Variants in ARHGAP23 observed in about 807,000 individuals in gnomAD.
The protein encoded by ARHGAP23 is Rho GTPase activating protein 23.
In ARHGAP23, 34 loss-of-function variants were observed where a neutral mutation model predicts 136.3. The observed-to-expected ratio is 0.25, with a 90% CI of 0.19 to 0.33. The LOEUF (loss-of-function observed/expected upper bound fraction) is 0.33, where lower values mean the gene tolerates loss of function less well. Ranked by LOEUF, ARHGAP23 falls within the 10% of genes least tolerant of loss-of-function variation. The pLI, the probability that ARHGAP23 is intolerant of heterozygous loss-of-function variation, is 1.00. For missense variants in ARHGAP23, 1,808 were observed against 2,139.0 expected (o/e 0.85, Z 3.05); for synonymous variants, 832 against 920.5 (o/e 0.90, Z 1.74).
Position 38,466,777 on chromosome 17 carries a change from TG to T in ARHGAP23, c.1098del (p.Pro367GlnfsTer125). 6.5e-7 allele frequency: 1 copy of T among 1,549,212 alleles called. No individual in the cohort carries two copies. The highest frequency in any genetic ancestry group is 8.7e-7 in the Non-Finnish European group (1 of 1,146,336). On this transcript the variant is annotated frameshift_variant, in exon 7 of 24. Transcript: ENST00000622683. LOFTEE classifies it high-confidence loss of function. ...CGGGCCACCCGTTCTGCCGAGGCAC[TG>T]GGGCCAGGGGCACTGGTGTCACCCC... ...LSRATRSAEALGPGALVSPRF... is the reference protein window; with the variant it reads ...LSRATRSAEAXGPGALVSPRF...
rs553339476 is a variant in ARHGAP23 at position 38,498,625 on chromosome 17, C to T, written c.3415+115C>T. ...CTGTGCCACCCCAGCGGGGCCCTCC[C>T]CTGCCGGCCACCATGGAGATGGGGC... On this transcript the variant is annotated intron_variant, in intron 22 of 23. Coordinates refer to ENST00000622683, the MANE Select transcript of ARHGAP23 (RefSeq NM_001199417.2). The T allele has an allele frequency of 5.3e-5, 47 of 887,774 alleles. No individual in the cohort carries two copies. In the African/African-American group the frequency reaches 7.7e-4, roughly 15 times the overall value. 55.0% of individuals were successfully genotyped at this position (887,774 alleles called of 1,614,324 possible). A position where few individuals can be genotyped will look rare whatever the true frequency, so the allele number is the denominator to read the frequency against.
intron 1 of ARHGAP23, chr17:38,452,539 T>C (rs897518491): frequency 3.3e-5 from 5 of 152,246 alleles, no homozygotes; most frequent in Non-Finnish European, 7.3e-5. Flanking sequence ...TGGTGTAGGA[T>C]AGAAGTTGGG....
chr17:38,491,021 C>T (rs1377416753), intron 19 of ARHGAP23, among the ~76,000 whole-genome samples: 3 of 152,198 alleles, frequency 2.0e-5, no homozygotes, highest in Non-Finnish European at 4.4e-5. Flanking sequence ...CGGGTTCAAG[C>T]GATGCTCCTG....
Position 38,467,065 on chromosome 17 carries a change from A to G in ARHGAP23, c.1382A>G (p.Glu461Gly). The G allele has an allele frequency of 6.4e-7, 1 of 1,550,870 alleles. No individual in the cohort carries two copies. Residue 461 changes from glutamate to glycine, a missense_variant, in exon 7 of 24, where the codon GAG becomes GGG. Coordinates refer to ENST00000622683, the MANE Select transcript of ARHGAP23 (RefSeq NM_001199417.2). ...CAGTCCCCTGCGTCATTCCCACCAG[A>G]GGCCTCCGAGCCACCCAGGGTTGTA... ...LAQSPASFPP[E>G]ASEPPRVVRP...
Position 38,510,572 on chromosome 17 carries a change from C to T in ARHGAP23, c.4076C>T (p.Ala1359Val). 3.2e-6 allele frequency: 4 copies of T among 1,245,502 alleles called. No homozygotes were observed. The highest frequency in any genetic ancestry group is 7.5e-5 in the Admixed American group (2 of 26,664). 77.2% of individuals were successfully genotyped at this position (1,245,502 alleles called of 1,614,324 possible). A position where few individuals can be genotyped will look rare whatever the true frequency, so the allele number is the denominator to read the frequency against. Reference sequence around the variant, plus strand: ...AGCCAGGAGTCGCTGCGGCCCCCGGCGGCGGCGCTGGCCTCCCGGCCCTCG... The same window carrying T: ...AGCCAGGAGTCGCTGCGGCCCCCGGTGGCGGCGCTGGCCTCCCGGCCCTCG... ...SSSQESLRPP[A>V]AALASRPSRM... Residue 1359 changes from alanine (A) to valine (V), a missense_variant, in exon 24 of 24, where the codon GCG becomes GTG. Around this residue, in one of 7 missense-constraint regions of ARHGAP23, gnomAD observed 506 missense variants for 455.8 expected, o/e 1.11. Transcript: ENST00000622683. The surrounding 1 kb of genome is among the most constrained non-coding windows in gnomAD (Gnocchi z 4.6).
At position 38,492,816 on chromosome 17, in the gene ARHGAP23, TG is replaced by T. The variant is rs2040307071; in HGVS notation, c.3276+1285del. Among the ~76,000 whole-genome samples, 3 of 152,328 alleles carry T rather than the reference TG, an allele frequency of 2.0e-5. No individual in the cohort carries two copies. The East Asian group carries it at 5.8e-4, about 29-fold the overall frequency. On this transcript the variant is annotated intron_variant, in intron 20 of 23. Transcript: ENST00000622683. Reference sequence around the variant, plus strand: ...GGCTGCCCTGCAGCGTCGGGGATCCTGATGAGGCCTTGGGAAAGCTTAGCTC... The same window carrying T: ...GGCTGCCCTGCAGCGTCGGGGATCCTATGAGGCCTTGGGAAAGCTTAGCTC...
intron 1 of ARHGAP23, among the ~76,000 whole-genome samples, chr17:38,422,774 C>A (rs537565659): frequency 6.6e-6 from 1 of 152,334 alleles, no homozygotes; most frequent in African/African-American, 2.4e-5. Flanking sequence ...AAGGGGTGTT[C>A]AGGTGGGATT....
At chr17:38,472,971 C>T (rs1014421439) in intron 11 of ARHGAP23, among the ~76,000 whole-genome samples, 51 of 152,324 alleles carry the variant, frequency 3.3e-4, no homozygotes, top group African/African-American at 1.2e-3. Context: ...GAGTCTCGCT[C>T]TGTTGCCCAG....
chr17:38,466,738 A>G lies in ARHGAP23; in HGVS notation c.1055A>G (p.Asp352Gly). ...GQEGWHRARSDDYLSRATRSA... is the reference protein window; with the variant it reads ...GQEGWHRARSGDYLSRATRSA... ...GAGGGCTGGCACCGAGCTCGCTCAGATGACTACTTGAGCCGGGCCACCCGT... is the reference window on the plus strand; with the variant it reads ...GAGGGCTGGCACCGAGCTCGCTCAGGTGACTACTTGAGCCGGGCCACCCGT... Residue 352 changes from aspartate to glycine, a missense_variant, in exon 7 of 24, where the codon GAT (aspartate) becomes GGT (glycine). Physicochemically the swap from Asp to Gly is moderately conservative, Grantham distance 94 (BLOSUM62 -1). This residue lies in a region of ARHGAP23 where 859 missense variants were observed against 936.4 expected (regional missense o/e 0.92). Coordinates refer to ENST00000622683, the MANE Select transcript of ARHGAP23 (RefSeq NM_001199417.2). 4.5e-6 allele frequency: 7 copies of G among 1,546,862 alleles called. No homozygotes were observed. The highest frequency in any genetic ancestry group is 6.1e-6 in the Non-Finnish European group (7 of 1,145,078).
Position 38,510,284 on chromosome 17 carries a change from G to A in ARHGAP23, c.3788G>A (p.Gly1263Asp). The change falls in exon 24 of 24, where the codon GGC becomes GAC. Residue 1263 changes from glycine to aspartate, a missense_variant. Around this residue, in one of 7 missense-constraint regions of ARHGAP23, gnomAD observed 506 missense variants for 455.8 expected, o/e 1.11. Transcript: ENST00000622683. The surrounding 1 kb of genome is among the most constrained non-coding windows in gnomAD (Gnocchi z 4.6). ...ACCATGGACCGCAGCGTGTGCTCGGGCGCTAGCGGTCGGCGGGCAGGGGCG... is the reference window on the plus strand; with the variant it reads ...ACCATGGACCGCAGCGTGTGCTCGGACGCTAGCGGTCGGCGGGCAGGGGCG... ...LSTMDRSVCS[G>D]ASGRRAGAGD... 7.8e-7 allele frequency: 1 copy of A among 1,288,074 alleles called. No homozygotes were observed. Among genetic ancestry groups the A allele is most frequent in the Non-Finnish European group, 9.8e-7 (1 of 1,017,914 alleles). The allele number at this position is 1,288,074 out of a possible 1,614,324, so 79.8% of individuals were successfully genotyped here. A position where few individuals can be genotyped will look rare whatever the true frequency, so the allele number is the denominator to read the frequency against.
At chr17:38,497,751 C>G (rs1370686686) in intron 20 of ARHGAP23, 34 bp from the exon 21 acceptor site, 1 of 1,546,344 alleles carries the variant, frequency 6.5e-7, no homozygotes, top group Admixed American at 2.0e-5. Context: ...CTTTCCCATG[C>G]TGATTTCATC....
chr17:38,449,354 T>C (rs2039106236), intron 1 of ARHGAP23, among the ~76,000 whole-genome samples: 1 of 152,290 alleles, frequency 6.6e-6, no homozygotes, highest in Admixed American at 6.5e-5. Context: ...GGGCCAGACA[T>C]AGTGCCAGTG....
intron 12 of ARHGAP23, among the ~76,000 whole-genome samples, chr17:38,478,522 C>T (rs2039953831): frequency 6.6e-6 from 1 of 151,586 alleles, no homozygotes. Context: ...TCAAGTGATT[C>T]TCCTGCCTTA....
intron 1 of ARHGAP23, among the ~76,000 whole-genome samples, chr17:38,435,765 A>AT (rs1224188596): frequency 2.0e-5 from 3 of 151,970 alleles, no homozygotes; most frequent in Non-Finnish European, 4.4e-5. Context: ...TGCCCGGCTA[A>AT]TTTTTTTGTA....
chr17:38,429,962 A>G (rs2038650806), intron 1 of ARHGAP23, among the ~76,000 whole-genome samples: 1 of 152,034 alleles, frequency 6.6e-6, no homozygotes, highest in African/African-American at 2.4e-5. Flanking sequence ...CGATTATATA[A>G]CCAGTCATTT....
Position 38,500,640 on chromosome 17 carries a change from G to A in ARHGAP23, c.3447+12G>A. ...CAGCCAAGTCCAAGGTACGTATGAA[G>A]GCAATTCTGAAGGCTTGATCCCTGT... On this transcript the variant is annotated intron_variant, in intron 23 of 23. Transcript: ENST00000622683. 1 of 1,548,628 alleles carries A rather than the reference G, an allele frequency of 6.5e-7. No homozygotes were observed. The highest frequency in any genetic ancestry group is 8.7e-7 in the Non-Finnish European group (1 of 1,146,024).
intron 1 of ARHGAP23, among the ~76,000 whole-genome samples, chr17:38,444,595 C>T (rs907136853): frequency 2.6e-5 from 4 of 152,136 alleles, no homozygotes; most frequent in Non-Finnish European, 5.9e-5. Flanking sequence ...CCCCCATCAA[C>T]GCCAAGGACC....
At chr17:38,470,862 C>T (rs2039736555) in intron 10 of ARHGAP23, among the ~76,000 whole-genome samples, 2 of 152,132 alleles carry the variant, frequency 1.3e-5, no homozygotes, top group African/African-American at 2.4e-5. Context: ...GCTTCGGTCT[C>T]CCAAAATGCT....
At chr17:38,464,618 C>T (rs1382932323) in intron 6 of ARHGAP23, among the ~76,000 whole-genome samples, 1 of 152,238 alleles carries the variant, frequency 6.6e-6, no homozygotes, top group Non-Finnish European at 1.5e-5. Flanking sequence ...GACTGCTTAC[C>T]CCAAGTCTCA....
Sources: allele counts gnomAD v4.1 joint callset (sites outside exome capture counted in the v4.1 genomes callset), GRCh38; gene constraint gnomAD v4.1.1; regional missense constraint gnomAD v4.1.1; non-coding constraint Gnocchi (gnomAD v3.1); transcripts MANE v1.5; gene names NCBI Gene and HGNC (gene_info 2026-07-23, HGNC 2026-07-21).